Variants in FAM107B observed in about 807,000 individuals in gnomAD.
FAM107B encodes the protein protein FAM107B.
In FAM107B, 21 loss-of-function variants were observed where a neutral mutation model predicts 31.5. The observed-to-expected ratio is 0.67, with a 90% CI of 0.47 to 0.96. The LOEUF (loss-of-function observed/expected upper bound fraction) is 0.96. FAM107B is among the 40% of genes least tolerant of loss of function. The pLI is 0.00. For missense variants in FAM107B, 452 were observed against 377.1 expected, an observed-to-expected ratio of 1.20 and a Z score of -1.64; for synonymous variants, 157 against 141.5, an observed-to-expected ratio of 1.11 and a Z score of -0.78.
chr10:14,726,896 C>T (rs1856047799), intron 1 of FAM107B, among the ~76,000 whole-genome samples: 1 of 152,012 alleles, frequency 6.6e-6, no homozygotes, highest in African/African-American at 2.4e-5. Flanking sequence ...ATTATTATTA[C>T]ATTGTAATAT....
chr10:14,540,385 G>C (rs1306146736), intron 2 of FAM107B, among the ~76,000 whole-genome samples: 1 of 152,206 alleles, frequency 6.6e-6, no homozygotes, highest in East Asian at 1.9e-4. Context: ...CACAGCAACA[G>C]CATGTTTCTA....
At chr10:14,671,715 C>T (rs991766843) in intron 1 of FAM107B, among the ~76,000 whole-genome samples, 1 of 152,012 alleles carries the variant, frequency 6.6e-6, no homozygotes, top group Non-Finnish European at 1.5e-5. Flanking sequence ...TTATCACGTG[C>T]GGCTGAAACT....
At chr10:14,570,250 G>A (rs1851097373) in intron 2 of FAM107B, among the ~76,000 whole-genome samples, 1 of 151,116 alleles carries the variant, frequency 6.6e-6, no homozygotes, top group South Asian at 2.1e-4. Context: ...GTGTGTGTGT[G>A]TGTGTGTGTG....
At chr10:14,542,555 T>A (rs535269120) in intron 2 of FAM107B, 1 of 152,328 alleles carries the variant, frequency 6.6e-6, no homozygotes, top group South Asian at 2.1e-4. Context: ...AGTGGTCAGC[T>A]GAAACTGACC....
intron 2 of FAM107B, among the ~76,000 whole-genome samples, chr10:14,546,786 T>C (rs1015102949): frequency 3.3e-5 from 5 of 152,130 alleles, no homozygotes; most frequent in Non-Finnish European, 5.9e-5. Flanking sequence ...CTACCGACCT[T>C]CAAAGTAAAG....
chr10:14,589,914 T>C (rs1294051033), intron 2 of FAM107B, among the ~76,000 whole-genome samples: 4 of 152,226 alleles, frequency 2.6e-5, no homozygotes, highest in Non-Finnish European at 5.9e-5. Flanking sequence ...AATGTCTCTA[T>C]GCCTCAACAT....
chr10:14,746,461 C>T lies in FAM107B; in HGVS notation c.411+27792G>A, dbSNP rs185554343. Among the ~76,000 whole-genome samples the T allele has an allele frequency of 2.4e-4, 36 of 152,294 alleles. No individual in the cohort carries two copies. In the East Asian group the frequency reaches 6.6e-3, roughly 28 times the overall value. ...TTTTCCTTTCCATATTTAGTGCTTC[C>T]TTCAGGAGCTCTTGCAAGGCAGGCC... On this transcript the variant is annotated intron_variant, in intron 1 of 4. Transcript: ENST00000181796.
At chr10:14,629,848 A>G (rs1456015522) in intron 2 of FAM107B, among the ~76,000 whole-genome samples, 1 of 151,934 alleles carries the variant, frequency 6.6e-6, no homozygotes, top group Non-Finnish European at 1.5e-5. Flanking sequence ...GTTATTATAT[A>G]TGGCATAATA....
intron 1 of FAM107B, among the ~76,000 whole-genome samples, chr10:14,749,627 C>T (rs772403551): frequency 3.4e-4 from 52 of 152,180 alleles, no homozygotes; most frequent in Admixed American, 7.2e-4. Context: ...GCGAGGCCTT[C>T]GCAGAGATGG....
At chr10:14,622,293 G>A (rs1853031384) in intron 2 of FAM107B, among the ~76,000 whole-genome samples, 1 of 149,850 alleles carries the variant, frequency 6.7e-6, no homozygotes, top group Admixed American at 6.7e-5. Context: ...AAGCACCTGG[G>A]AGCTAGTATG....
Position 14,745,382 on chromosome 10 carries a change from G to A in FAM107B, c.411+28871C>T, listed in dbSNP as rs60857371. Among the ~76,000 whole-genome samples the A allele has an allele frequency of 9.2e-3, 1,393 of 151,836 alleles. 16 individuals are homozygous for A. Among genetic ancestry groups the A allele is most frequent in the African/African-American group, 0.031 (1,273 of 41,436 alleles). ...TGCTCTTGGTTCTCTAGTTCTTTTCGCTGTGATGTTAGGATGTCAGTTTGA... is the reference window on the plus strand; with the variant it reads ...TGCTCTTGGTTCTCTAGTTCTTTTCACTGTGATGTTAGGATGTCAGTTTGA... On this transcript the variant is annotated intron_variant, in intron 1 of 4. Transcript: ENST00000181796.
rs1455058375 is a variant in FAM107B at position 14,572,736 on chromosome 10, A to ATTTTATATATAT, written c.470-42222_470-42221insATATATATAAAA. Among the ~76,000 whole-genome samples the ATTTTATATATAT allele has an allele frequency of 6.4e-3, 550 of 86,438 alleles. 21 individuals are homozygous for ATTTTATATATAT. Among genetic ancestry groups the ATTTTATATATAT allele is most frequent in the African/African-American group, 0.018 (436 of 24,870 alleles). The allele number at this position is 86,438 out of a possible 152,430, so 56.7% of individuals were successfully genotyped here. A position where few individuals can be genotyped will look rare whatever the true frequency, so the allele number is the denominator to read the frequency against. On this transcript the variant is annotated intron_variant, in intron 2 of 4. Transcript: ENST00000181796. ...CCCCATCTCTTCAAAAAAAAAAAAA[A>ATTTTATATATAT]ATTTATATATATATATATATATATT...
At chr10:14,730,537 G>T (rs1035796348) in intron 1 of FAM107B, among the ~76,000 whole-genome samples, 8 of 152,246 alleles carry the variant, frequency 5.3e-5, no homozygotes, top group Admixed American at 2.6e-4. Flanking sequence ...AGAATGCAGA[G>T]ATGAGGTTGG....
intron 2 of FAM107B, among the ~76,000 whole-genome samples, chr10:14,590,366 C>T (rs146003173): frequency 6.6e-6 from 1 of 152,230 alleles, no homozygotes; most frequent in African/African-American, 2.4e-5. Flanking sequence ...TATGGGAATC[C>T]TAGAACCTAC....
intron 2 of FAM107B, among the ~76,000 whole-genome samples, chr10:14,655,766 T>A (rs1854034302): frequency 6.6e-6 from 1 of 152,140 alleles, no homozygotes. Flanking sequence ...GCTACTCCTG[T>A]AGGGACTGAG....
intron 1 of FAM107B, among the ~76,000 whole-genome samples, chr10:14,735,663 T>G (rs952362320): frequency 6.6e-6 from 1 of 152,220 alleles, no homozygotes; most frequent in African/African-American, 2.4e-5. Flanking sequence ...TCAGGAAGAA[T>G]GGGAAAACTC....
chr10:14,707,645 G>A lies in FAM107B; in HGVS notation c.412-39954C>T, dbSNP rs150578529. On this transcript the variant is annotated intron_variant, in intron 1 of 4. Coordinates refer to ENST00000181796, the MANE Select transcript of FAM107B (RefSeq NM_031453.4). Reference sequence around the variant, plus strand: ...CCCACTCTCTGCTGAAAGCTGTGACGTCTGGGATAGATTAAGGAGCCACAT... The same window carrying A: ...CCCACTCTCTGCTGAAAGCTGTGACATCTGGGATAGATTAAGGAGCCACAT... Among the ~76,000 whole-genome samples, 18 of 152,326 alleles carry A rather than the reference G, an allele frequency of 1.2e-4. No homozygotes were observed. The South Asian group carries it at 2.3e-3, about 19-fold the overall frequency.
intron 2 of FAM107B, chr10:14,572,406 G>A (rs1374805960): frequency 1.1e-5 from 11 of 985,212 alleles, no homozygotes; most frequent in Non-Finnish European, 1.3e-5. Context: ...CCTCCAATTG[G>A]AGGAGGACAA....
chr10:14,634,128 G>A (rs1853436693), intron 2 of FAM107B, among the ~76,000 whole-genome samples: 1 of 152,194 alleles, frequency 6.6e-6, no homozygotes, highest in South Asian at 2.1e-4. Flanking sequence ...CAGGCGCTGT[G>A]GCTCACACCT....
Sources: allele counts gnomAD v4.1 joint callset (sites outside exome capture counted in the v4.1 genomes callset), GRCh38; gene constraint gnomAD v4.1.1; transcripts MANE v1.5; gene names NCBI Gene and HGNC (gene_info 2026-07-23, HGNC 2026-07-21).